Variants in TMEM132D observed in about 807,000 individuals in gnomAD.
TMEM132D encodes the protein transmembrane protein 132D, also known as mature OL transmembrane protein.
A neutral mutation model predicts 62.3 loss-of-function variants in TMEM132D; 21 were observed. That is an observed-to-expected ratio of 0.34 (90% CI 0.24 to 0.49). The LOEUF (loss-of-function observed/expected upper bound fraction) is 0.49, where lower values mean the gene tolerates loss of function less well. Among genes scored for constraint, TMEM132D ranks in the 20% least tolerant of loss-of-function variants. TMEM132D has a pLI of 0.99. For synonymous variants in TMEM132D, 621 were observed against 575.6 expected (o/e 1.08, Z -1.13); for missense variants, 1,346 against 1,402.8 (o/e 0.96, Z 0.65).
chr12:129,365,948 C>T (rs1175527659), intron 3 of TMEM132D, among the ~76,000 whole-genome samples: 2 of 152,152 alleles, frequency 1.3e-5, no homozygotes, highest in African/African-American at 4.8e-5. Flanking sequence ...TCCACCCGCC[C>T]CGCACACCCA....
chr12:129,636,949 T>C (rs752606919), intron 2 of TMEM132D, among the ~76,000 whole-genome samples: 6 of 152,114 alleles, frequency 3.9e-5, no homozygotes, highest in Non-Finnish European at 7.4e-5. Flanking sequence ...AGAATTATGT[T>C]ATGTACATAG....
intron 2 of TMEM132D, among the ~76,000 whole-genome samples, chr12:129,689,993 A>T (rs888119974): frequency 6.6e-6 from 1 of 152,154 alleles, no homozygotes; most frequent in Non-Finnish European, 1.5e-5. Flanking sequence ...CGGTAAAATA[A>T]TTTTTTCTTT....
intron 2 of TMEM132D, among the ~76,000 whole-genome samples, chr12:129,554,452 G>T (rs752445155): frequency 6.6e-6 from 1 of 152,140 alleles, no homozygotes; most frequent in Non-Finnish European, 1.5e-5. Flanking sequence ...GAGACACTGA[G>T]AGAGAAAGAA....
chr12:129,685,665 C>A (rs1052698466), intron 2 of TMEM132D, among the ~76,000 whole-genome samples: 1 of 152,202 alleles, frequency 6.6e-6, no homozygotes, highest in Non-Finnish European at 1.5e-5. Flanking sequence ...AGAGGGCCAA[C>A]TGTCCCCCAG....
intron 2 of TMEM132D, among the ~76,000 whole-genome samples, chr12:129,613,500 C>T (rs1165893070): frequency 6.6e-6 from 1 of 152,160 alleles, no homozygotes; most frequent in Non-Finnish European, 1.5e-5. Flanking sequence ...GTGCCCAGGC[C>T]CAGCAGCAAT....
At chr12:129,266,613 T>TCTCTC (rs3046044) in intron 4 of TMEM132D, among the ~76,000 whole-genome samples, 12,070 of 145,118 alleles carry the variant, frequency 0.083, 668 homozygotes, top group Admixed American at 0.16. Flanking sequence ...CCCTTCCCTT[T>TCTCTC]CTCTCCTCTC....
At position 129,487,032 on chromosome 12, in the gene TMEM132D, G is replaced by C. The variant is rs74540572; in HGVS notation, c.1115+44027C>G. On this transcript the variant is annotated intron_variant, in intron 3 of 8. Transcript: ENST00000422113. Reference sequence around the variant, plus strand: ...TTGATGTCTGCGAATGTTTGCGTATGGGGGGGGGGGTTGTGGGTGTAGCTG... The same window carrying C: ...TTGATGTCTGCGAATGTTTGCGTATCGGGGGGGGGGTTGTGGGTGTAGCTG... Among the ~76,000 whole-genome samples, 690 of 107,512 alleles carry C rather than the reference G, an allele frequency of 6.4e-3. 2 individuals are homozygous for C. The highest frequency in any genetic ancestry group is 0.018 in the African/African-American group (601 of 32,554). 70.5% of individuals were successfully genotyped at this position (107,512 alleles called of 152,430 possible). A position where few individuals can be genotyped will look rare whatever the true frequency, so the allele number is the denominator to read the frequency against.
intron 5 of TMEM132D, among the ~76,000 whole-genome samples, chr12:129,204,954 T>C (rs1878802582): frequency 6.6e-6 from 1 of 152,126 alleles, no homozygotes; most frequent in South Asian, 2.1e-4. Flanking sequence ...AATAAGCCCC[T>C]TTTTCAGGCA....
chr12:129,582,496 G>A (rs1364026044), intron 2 of TMEM132D, among the ~76,000 whole-genome samples: 1 of 152,232 alleles, frequency 6.6e-6, no homozygotes, highest in African/African-American at 2.4e-5. Context: ...GAGGCAGGGG[G>A]TGATGAGCTC....
chr12:129,823,992 C>G (rs139559123), intron 1 of TMEM132D, among the ~76,000 whole-genome samples: 2 of 152,168 alleles, frequency 1.3e-5, no homozygotes, highest in Admixed American at 1.3e-4. Context: ...TGCTTCTCAT[C>G]GGTGAAGTCA....
At chr12:129,409,450 A>G (rs905445755) in intron 3 of TMEM132D, among the ~76,000 whole-genome samples, 1 of 152,204 alleles carries the variant, frequency 6.6e-6, no homozygotes, top group African/African-American at 2.4e-5. Flanking sequence ...GAAAATGTTC[A>G]AAGAATGTGT....
chr12:129,276,054 T>C (rs1880998313), intron 4 of TMEM132D, among the ~76,000 whole-genome samples: 1 of 151,014 alleles, frequency 6.6e-6, no homozygotes, highest in Non-Finnish European at 1.5e-5. Context: ...TGTTTGTTTG[T>C]TTGTTTTCTC....
intron 4 of TMEM132D, among the ~76,000 whole-genome samples, chr12:129,285,344 C>A (rs571520306): frequency 1.2e-3 from 156 of 130,490 alleles, no homozygotes; most frequent in African/African-American, 4.0e-3. Context: ...CATAGTGAAA[C>A]CCTGTCTCCA....
intron 1 of TMEM132D, among the ~76,000 whole-genome samples, chr12:129,801,345 G>C (rs918319139): frequency 2.1e-4 from 8 of 38,930 alleles, no homozygotes; most frequent in Admixed American, 1.6e-3. Context: ...CTGGAGATCT[G>C]AGATGGGCAG....
Position 129,479,301 on chromosome 12 carries a change from G to T in TMEM132D, c.1115+51758C>A, listed in dbSNP as rs1874361678. Among the ~76,000 whole-genome samples the T allele has an allele frequency of 2.0e-5, 3 of 152,102 alleles. No individual in the cohort carries two copies. In the South Asian group the frequency reaches 6.2e-4, roughly 32 times the overall value. ...AAAAAGCTTTGGTGAAAAAAAATTGGCATCAAATTTAAGGATCCTGGGCTA... is the reference window on the plus strand; with the variant it reads ...AAAAAGCTTTGGTGAAAAAAAATTGTCATCAAATTTAAGGATCCTGGGCTA... On this transcript the variant is annotated intron_variant, in intron 3 of 8. Coordinates refer to ENST00000422113, the MANE Select transcript of TMEM132D (RefSeq NM_133448.3).
intron 5 of TMEM132D, among the ~76,000 whole-genome samples, chr12:129,160,749 G>T (rs1490753005): frequency 6.6e-6 from 1 of 152,220 alleles, no homozygotes; most frequent in Non-Finnish European, 1.5e-5. Context: ...AAAATGGAAA[G>T]TTCTTAGAGG....
intron 2 of TMEM132D, among the ~76,000 whole-genome samples, chr12:129,610,558 C>T (rs1878745719): frequency 6.6e-6 from 1 of 152,078 alleles, no homozygotes; most frequent in South Asian, 2.1e-4. Flanking sequence ...GGCTCATTCT[C>T]GTGGGGTTGG....
intron 4 of TMEM132D, among the ~76,000 whole-genome samples, chr12:129,285,364 CA>C (rs10706680): frequency 0.93 from 132,783 of 143,432 alleles, 62,052 homozygotes; most frequent in East Asian, 1. Flanking sequence ...ACTAAAAGTA[CA>C]AAAAAAAAAA....
intron 5 of TMEM132D, among the ~76,000 whole-genome samples, chr12:129,103,571 A>C (rs1224516687): frequency 6.6e-6 from 1 of 152,192 alleles, no homozygotes; most frequent in Non-Finnish European, 1.5e-5. Flanking sequence ...TGCTTTATGC[A>C]TCAGGTTCCA....
Sources: gnomAD v4.1 joint callset for allele counts (sites outside exome capture counted in the v4.1 genomes callset) on GRCh38, gnomAD v4.1.1 for gene constraint, MANE v1.5 for transcripts, NCBI Gene and HGNC (gene_info 2026-07-23, HGNC 2026-07-21) for gene names.